The following POU2AF3 variants were observed in gnomAD, a reference collection of about 807,000 sequenced individuals.
The protein encoded by POU2AF3 is cancer susceptibility candidate 13.
At chr11:111,299,489 A>T in the POU2AF3 span, 1 of 1,119,034 alleles carries the variant, frequency 8.9e-7, no homozygotes, top group South Asian at 4.4e-5. Flanking sequence ...CCCTGCTCCC[A>T]GCGCTCAGGG....
At chr11:111,302,984 G>A in the POU2AF3 span, among the ~76,000 whole-genome samples, 36 of 152,204 alleles carry the variant, frequency 2.4e-4, no homozygotes, top group Admixed American at 2.4e-3. Context: ...GAAACTTTAA[G>A]CCAAGGAGAG....
chr11:111,308,555 A>G, the POU2AF3 span: 3 of 1,110,912 alleles, frequency 2.7e-6, no homozygotes, highest in Non-Finnish European at 3.7e-6. Flanking sequence ...TTTACATGTC[A>G]CTATTTCCAA....
the POU2AF3 span, chr11:111,300,587 A>G: frequency 8.1e-7 from 1 of 1,232,218 alleles, no homozygotes; most frequent in East Asian, 3.2e-5. Context: ...CTGCTGCAGC[A>G]AAGACGGGCA....
chr11:111,306,753 C>G, the POU2AF3 span: 1 of 720,942 alleles, frequency 1.4e-6, no homozygotes, highest in African/African-American at 1.8e-5. Flanking sequence ...AGGAAACAAG[C>G]AGAGAAGAAT....
the POU2AF3 span, chr11:111,308,500 A>T: frequency 2.8e-6 from 4 of 1,439,618 alleles, no homozygotes; most frequent in East Asian, 1.0e-4. Context: ...CGTCTAGATG[A>T]CACTGCAAAA....
the POU2AF3 span, among the ~76,000 whole-genome samples, chr11:111,302,333 AC>A: frequency 6.6e-6 from 1 of 152,224 alleles, no homozygotes; most frequent in Non-Finnish European, 1.5e-5. Flanking sequence ...TATATAATTA[AC>A]AAAACCAGGT....
chr11:111,307,180 T>C, the POU2AF3 span, among the ~76,000 whole-genome samples: 1 of 152,194 alleles, frequency 6.6e-6, no homozygotes, highest in Admixed American at 6.5e-5. Flanking sequence ...CCGTAATCTT[T>C]GAAAAAAATT....
At chr11:111,300,252 G>A in the POU2AF3 span, 1 of 316,406 alleles carries the variant, frequency 3.2e-6, no homozygotes, top group Non-Finnish European at 5.7e-6. Context: ...AAACCCGTTT[G>A]CTATTGGCCT....
chr11:111,303,400 G>A, the POU2AF3 span, among the ~76,000 whole-genome samples: 1 of 152,038 alleles, frequency 6.6e-6, no homozygotes, highest in Non-Finnish European at 1.5e-5. Context: ...GTGAATTTTT[G>A]TGCTGTTTGA....
At chr11:111,306,516 C>T in the POU2AF3 span, 1 of 1,547,792 alleles carries the variant, frequency 6.5e-7, no homozygotes. Flanking sequence ...TGATTCCTAC[C>T]TTCAGACAGA....
chr11:111,299,924 G>A, the POU2AF3 span: 2 of 422,060 alleles, frequency 4.7e-6, no homozygotes, highest in Non-Finnish European at 8.1e-6. Flanking sequence ...GGCCCAGGAC[G>A]GGGCTGGCCA....
the POU2AF3 span, among the ~76,000 whole-genome samples, chr11:111,307,674 T>A: frequency 6.6e-6 from 1 of 152,236 alleles, no homozygotes; most frequent in African/African-American, 2.4e-5. Context: ...GATCACCTGA[T>A]TCTTCATGGT....
chr11:111,305,973 G>T, the POU2AF3 span, among the ~76,000 whole-genome samples: 1 of 152,144 alleles, frequency 6.6e-6, no homozygotes, highest in Non-Finnish European at 1.5e-5. Context: ...TAAGTCAAAA[G>T]AATTATTTCC....
the POU2AF3 span, among the ~76,000 whole-genome samples, chr11:111,305,471 A>G: frequency 6.6e-6 from 1 of 152,214 alleles, no homozygotes; most frequent in Admixed American, 6.5e-5. Flanking sequence ...ACTCGATTAC[A>G]TAAACACTCC....
At chr11:111,301,197 T>G in the POU2AF3 span, among the ~76,000 whole-genome samples, 1 of 152,202 alleles carries the variant, frequency 6.6e-6, no homozygotes, top group Non-Finnish European at 1.5e-5. Flanking sequence ...ATCAACACCT[T>G]AAGCAGTTTC....
the POU2AF3 span, chr11:111,299,698 G>C: frequency 4.1e-6 from 5 of 1,231,876 alleles, no homozygotes; most frequent in Non-Finnish European, 5.1e-6. Flanking sequence ...GCGCCTCGGA[G>C]AAACGCCTGC....
At chr11:111,301,916 G>A in the POU2AF3 span, among the ~76,000 whole-genome samples, 1 of 152,162 alleles carries the variant, frequency 6.6e-6, no homozygotes, top group Non-Finnish European at 1.5e-5. Flanking sequence ...TCAGAGTTTA[G>A]AGTTCAGATG....
At chr11:111,308,235 C>G in the POU2AF3 span, 1 of 1,551,826 alleles carries the variant, frequency 6.4e-7, no homozygotes, top group Non-Finnish European at 8.7e-7. Flanking sequence ...CAACACTTGT[C>G]CTCACACGCC....
chr11:111,307,377 G>A, the POU2AF3 span, among the ~76,000 whole-genome samples: 5,140 of 152,166 alleles, frequency 0.034, 287 homozygotes, highest in African/African-American at 0.11. Flanking sequence ...CCTTTGGATT[G>A]TCAAAAGTCT....
Sources: allele counts gnomAD v4.1 joint callset (sites outside exome capture counted in the v4.1 genomes callset), GRCh38; gene constraint gnomAD v4.1.1; transcripts MANE v1.5; gene names NCBI Gene and HGNC (gene_info 2026-07-23, HGNC 2026-07-21).